Variants in KCNH2 observed in about 807,000 individuals in gnomAD.
KCNH2 encodes the protein potassium voltage-gated channel subfamily H member 2.
A neutral mutation model predicts 95.9 loss-of-function variants in KCNH2; 35 were observed. The observed-to-expected ratio is 0.37, with a 90% confidence interval of 0.28 to 0.48. The LOEUF (loss-of-function observed/expected upper bound fraction) is 0.48. Ranked by LOEUF, KCNH2 falls within the 20% of genes least tolerant of loss-of-function variation. The probability of loss-of-function intolerance (pLI) is 0.99; values close to 1 mark genes in which losing one functional copy is unlikely to be tolerated. For synonymous variants in KCNH2, 786 were observed against 754.7 expected (o/e 1.04, Z -0.68); for missense variants, 1,274 against 1,702.9 (o/e 0.75, Z 4.43).
rs748266308 is a variant in KCNH2, at chr7:150,951,725, G to T, written c.1668C>A (p.Thr556=). 6.2e-7 allele frequency: 1 copy of T among 1,613,348 alleles called. No individual in the cohort carries two copies. Among genetic ancestry groups the T allele is most frequent in the Middle Eastern group, 1.7e-4 (1 of 6,056 alleles). The change falls in exon 7 of 15, where the codon ACC becomes ACA. Residue 556 remains threonine, a synonymous_variant. Transcript: ENST00000262186. The part of the protein sequence containing the change: ...GAAVLFLLMC[T]FALIAHWLAC... ...CTAGCCAGTGCGCGATGAGCGCAAA[G>T]GTGCACATGAGCAAGAACAGCACGG...
chr7:150,947,572 C>G, intron 12 of KCNH2, 34 bp downstream of exon 12: 1 of 1,608,762 alleles, frequency 6.2e-7, no homozygotes, highest in Non-Finnish European at 8.5e-7. Context: ...CTGCCACGCC[C>G]GGTCCTCCCT....
At position 150,957,462 on chromosome 7, in the gene KCNH2, G is replaced by A. The variant is rs759130424; in HGVS notation, c.957C>T (p.Thr319=). Residue 319 remains threonine (T), a synonymous_variant, in exon 5 of 15, where the codon ACC becomes ACT. Transcript: ENST00000262186. ...HPLRSGLLNS[T]SDSDLVRYRT... ...GGTAGCGCACGAGGTCGGAGTCCGA[G>A]GTGGAGTTGAGCAAGCCGCTGCGCA... is the stretch of plus-strand genomic sequence containing the variant. 63 of 1,614,014 alleles carry A rather than the reference G, an allele frequency of 3.9e-5. 1 individual carries two copies. The East Asian group carries it at 1.4e-3, about 35-fold the overall frequency.
rs896837589 is a variant in KCNH2, at chr7:150,945,134, G to C, written c.*231C>G. Reference sequence around the variant, plus strand: ...GCAGTTAGACCAGCTAATGCCCTCAGGGCAGTGGGGGGACCACAGGCCCCA... The same window carrying C: ...GCAGTTAGACCAGCTAATGCCCTCACGGCAGTGGGGGGACCACAGGCCCCA... On this transcript the variant is annotated 3_prime_UTR_variant, in exon 15 of 15. Coordinates refer to ENST00000262186, the MANE Select transcript of KCNH2 (RefSeq NM_000238.4). The surrounding 1 kb of genome is among the most constrained non-coding windows in gnomAD (Gnocchi z 5.6). The C allele has an allele frequency of 1.7e-6, 1 of 579,270 alleles. No individual in the cohort carries two copies. Among genetic ancestry groups the C allele is most frequent in the African/African-American group, 1.9e-5 (1 of 53,704 alleles). The allele number at this position is 579,270 out of a possible 1,614,324, so 35.9% of individuals were successfully genotyped here.
chr7:150,960,113 A>C lies in KCNH2; in HGVS notation c.308-377T>G, dbSNP rs12668582. Among the ~76,000 whole-genome samples, 63,116 of 151,908 alleles carry C rather than the reference A, an allele frequency of 0.42. 13,921 individuals carry two copies. The highest frequency in any genetic ancestry group is 0.78 in the East Asian group (4,042 of 5,162). The stretch of plus-strand genomic sequence containing the variant: ...TCCCAGCACCTCTGCCTTTCCCTCA[A>C]GCGAGGCGCTGTAGCACAGTGCTTA... On this transcript the variant is annotated intron_variant, in intron 2 of 14. Coordinates refer to ENST00000262186, the MANE Select transcript of KCNH2 (RefSeq NM_000238.4).
At chr7:150,975,356 G>A (rs978477421) in intron 1 of KCNH2, among the ~76,000 whole-genome samples, 12 of 152,220 alleles carry the variant, frequency 7.9e-5, no homozygotes, top group Non-Finnish European at 1.3e-4. Flanking sequence ...CCTTTGCATC[G>A]GCTCTCTGGA....
rs1272356727 is a variant in KCNH2, at chr7:150,945,648, G to A, written c.3331-134C>T. The A allele has an allele frequency of 2.1e-6, 2 of 940,270 alleles. No individual in the cohort carries two copies. The highest frequency in any genetic ancestry group is 3.3e-6 in the Non-Finnish European group (2 of 600,918). The allele number at this position is 940,270 out of a possible 1,614,324, so 58.2% of individuals were successfully genotyped here. A position where few individuals can be genotyped will look rare whatever the true frequency, so the allele number is the denominator to read the frequency against. ...GGCCAAGAGGAGAGTCAGGTGGGCA[G>A]AGAAGCTGGAGGGGACAAGAGCCAA... On this transcript the variant is annotated intron_variant, in intron 14 of 14. Coordinates refer to ENST00000262186, the MANE Select transcript of KCNH2 (RefSeq NM_000238.4). The surrounding 1 kb of genome is among the most constrained non-coding windows in gnomAD (Gnocchi z 5.6).
Position 150,952,939 on chromosome 7 carries a change from C to G in KCNH2, c.1129-86G>C. The G allele has an allele frequency of 7.4e-7, 1 of 1,357,256 alleles. No individual in the cohort carries two copies. Among genetic ancestry groups the G allele is most frequent in the Non-Finnish European group, 1.0e-6 (1 of 974,790 alleles). 84.1% of individuals were successfully genotyped at this position (1,357,256 alleles called of 1,614,324 possible). On this transcript the variant is annotated intron_variant, in intron 5 of 14. Transcript: ENST00000262186. This position sits in a 1 kb window ranked among gnomAD's most constrained non-coding sequence, Gnocchi z 7.3. ...CGATGACATCTCTGCCGGGGCCAAG[C>G]AGAATGAGGAGGAGGCCAAAAAAAG...
At chr7:150,967,954 G>A (rs1801747053) in intron 2 of KCNH2, among the ~76,000 whole-genome samples, 2 of 152,194 alleles carry the variant, frequency 1.3e-5, no homozygotes, top group African/African-American at 2.4e-5. Flanking sequence ...AGACGGCGAC[G>A]TCAAAATTAA....
Position 150,962,562 on chromosome 7 carries a change from ACT to A in KCNH2, c.308-2828_308-2827del, listed in dbSNP as rs1353376929. On this transcript the variant is annotated intron_variant, in intron 2 of 14. Transcript: ENST00000262186. The surrounding 1 kb of genome is among the most constrained non-coding windows in gnomAD (Gnocchi z 5.7). ...AAAATCCCCTGCCAGGGTCGCAGAA[ACT>A]CTAGGTATACGCCACCTCACAGCAC... 6.6e-6 allele frequency among the ~76,000 whole-genome samples: 1 copy of A among 151,468 alleles called. No homozygotes were observed. Among genetic ancestry groups the A allele is most frequent in the African/African-American group, 2.4e-5 (1 of 41,136 alleles).
Position 150,961,344 on chromosome 7 carries a change from G to C in KCNH2, c.308-1608C>G, listed in dbSNP as rs1801562230. Reference sequence around the variant, plus strand: ...ACAGGGTTTCACTCTGTCACCCAGGGTGGAGTGCAGCGGCATGATCTTGGC... The same window carrying C: ...ACAGGGTTTCACTCTGTCACCCAGGCTGGAGTGCAGCGGCATGATCTTGGC... On this transcript the variant is annotated intron_variant, in intron 2 of 14. Transcript: ENST00000262186. This position sits in a 1 kb window ranked among gnomAD's most constrained non-coding sequence, Gnocchi z 6.2. Among the ~76,000 whole-genome samples the C allele has an allele frequency of 6.6e-6, 1 of 151,254 alleles. No homozygotes were observed. Among genetic ancestry groups the C allele is most frequent in the Middle Eastern group, 3.2e-3 (1 of 316 alleles).
intron 2 of KCNH2, among the ~76,000 whole-genome samples, chr7:150,974,037 C>A (rs535437292): frequency 6.6e-6 from 1 of 152,212 alleles, no homozygotes; most frequent in Non-Finnish European, 1.5e-5. Flanking sequence ...TCTGTTTATC[C>A]GCTCTCCGGA....
At position 150,951,826 on chromosome 7, in the gene KCNH2, G is replaced by T. The variant is rs1060500671; in HGVS notation, c.1567C>A (p.Leu523Met). 1 of 1,575,582 alleles carries T rather than the reference G, an allele frequency of 6.3e-7. No homozygotes were observed. The highest frequency in any genetic ancestry group is 8.6e-7 in the Non-Finnish European group (1 of 1,156,658). The part of the protein sequence containing the change: ...FGSGSEELIG[L>M]LKTARLLRLV... The stretch of plus-strand genomic sequence containing the variant: ...CGCAGCAGCCGCGCAGTCTTCAGCA[G>T]CCCGATCAGCTGGGGGACAGGGAAG... The change falls in exon 7 of 15, where the codon CTG becomes ATG. Residue 523 changes from leucine to methionine, a missense_variant. Leu to Met is a conservative substitution (Grantham distance 15). Coordinates refer to ENST00000262186, the MANE Select transcript of KCNH2 (RefSeq NM_000238.4).
chr7:150,958,201 G>A lies in KCNH2; in HGVS notation c.774C>T (p.Pro258=), dbSNP rs1554427740. ...LPSPRAHSLN[P]DASGSSCSLA... is the part of the protein sequence containing the mutation. ...GGCTGCAGCTGGAGCCCGAGGCGTC[G>A]GGGTTGAGGCTGTGCGCCCGGGGCG... is the stretch of plus-strand genomic sequence containing the variant. The change falls in exon 4 of 15, where the codon CCC becomes CCT. Residue 258 remains proline (P), a synonymous_variant. Transcript: ENST00000262186. 14 of 1,364,864 alleles carry A rather than the reference G, an allele frequency of 1.0e-5. No individual in the cohort carries two copies. The highest frequency in any genetic ancestry group is 1.8e-5 in the South Asian group (1 of 56,630). 84.5% of individuals were successfully genotyped at this position (1,364,864 alleles called of 1,614,324 possible).
At chr7:150,965,143 G>A (rs944578822) in intron 2 of KCNH2, among the ~76,000 whole-genome samples, 1 of 152,092 alleles carries the variant, frequency 6.6e-6, no homozygotes, top group Admixed American at 6.5e-5. Flanking sequence ...AAATGCAGCA[G>A]GTTGAGGGGC....
chr7:150,978,057 G>C lies in KCNH2; in HGVS notation c.-144C>G, dbSNP rs1384473777. 3.7e-6 allele frequency: 1 copy of C among 269,830 alleles called. No individual in the cohort carries two copies. Among genetic ancestry groups the C allele is most frequent in the African/African-American group, 2.3e-5 (1 of 43,634 alleles). 16.7% of individuals were successfully genotyped at this position (269,830 alleles called of 1,614,324 possible). On this transcript the variant is annotated 5_prime_UTR_variant, in exon 1 of 15. Coordinates refer to ENST00000262186, the MANE Select transcript of KCNH2 (RefSeq NM_000238.4). Reference sequence around the variant, plus strand: ...ACGGGCGCGGCCAAGACTGGACTGCGGGCGCCGGGTCCTCGCTCGGCTCCC... The same window carrying C: ...ACGGGCGCGGCCAAGACTGGACTGCCGGCGCCGGGTCCTCGCTCGGCTCCC...
rs769972412 is a variant in KCNH2 at position 150,947,679 on chromosome 7, G to A, written c.2892C>T (p.Pro964=). Residue 964 remains proline (P), a synonymous_variant, in exon 12 of 15, where the codon CCC becomes CCT. Coordinates refer to ENST00000262186, the MANE Select transcript of KCNH2 (RefSeq NM_000238.4). ...RLVPFSSPRP[P]GEPPGGEPLM... is the part of the protein sequence containing the mutation. ...GGGGCTCCCCACCCGGCGGCTCTCC[G>A]GGGGGCCTGGGGCTGGAGAAGGGCA... 44 of 1,601,454 alleles carry A rather than the reference G, an allele frequency of 2.7e-5. No homozygotes were observed. Among genetic ancestry groups the A allele is most frequent in the Admixed American group, 3.4e-5 (2 of 58,632 alleles).
intron 5 of KCNH2, among the ~76,000 whole-genome samples, chr7:150,957,042 G>A (rs763642245): frequency 2.6e-5 from 4 of 151,878 alleles, no homozygotes; most frequent in African/African-American, 4.8e-5. Context: ...CCATCCACCC[G>A]ACCTCCGCTC....
At chr7:150,949,291 G>T in intron 9 of KCNH2, 1 of 1,382,804 alleles carries the variant, frequency 7.2e-7, no homozygotes, top group Non-Finnish European at 9.4e-7. Context: ...ATGAGACCCA[G>T]CCAGCAGGAC....
intron 9 of KCNH2, chr7:150,949,747 G>A (rs1801061672): frequency 8.4e-7 from 1 of 1,189,336 alleles, no homozygotes; most frequent in Non-Finnish European, 1.1e-6. Context: ...AGGAAGTGGG[G>A]GGAGGGGGCA....
Sources: gnomAD v4.1 joint callset for allele counts (sites outside exome capture counted in the v4.1 genomes callset) on GRCh38, gnomAD v4.1.1 for gene constraint, Gnocchi (gnomAD v3.1) non-coding constraint, MANE v1.5 for transcripts, NCBI Gene and HGNC (gene_info 2026-07-23, HGNC 2026-07-21) for gene names.